The following KLHL35 variants were observed in gnomAD, a reference collection of about 807,000 sequenced individuals.
KLHL35 encodes the protein kelch like family member 35.
KLHL35 carries 50 observed loss-of-function variants against 44.0 expected under a neutral mutation model. The ratio of observed to expected loss-of-function variants is 1.14; its 90% CI spans 0.91 to 1.44. KLHL35 has a LOEUF of 1.44. Ranked by LOEUF, KLHL35 falls within the 40% of genes most tolerant of loss-of-function variation. The probability of loss-of-function intolerance (pLI) is 0.00; values close to 1 mark genes in which losing one functional copy is unlikely to be tolerated. For synonymous variants in KLHL35, 470 were observed against 410.4 expected, an observed-to-expected ratio of 1.15 and a Z score of -1.76; for missense variants, 1,049 against 887.8, an observed-to-expected ratio of 1.18 and a Z score of -2.31.
At chr11:75,423,528 C>A in intron 6 of KLHL35, 164 bp downstream of exon 6, 1 of 659,602 alleles carries the variant, frequency 1.5e-6, no homozygotes, top group Non-Finnish European at 2.6e-6. Context: ...TCTCTAAGGC[C>A]AGTCTCCTCA....
chr11:75,425,627 G>A, intron 4 of KLHL35, 46 bp from the exon 5 acceptor site: 1 of 1,402,260 alleles, frequency 7.1e-7, no homozygotes, highest in Non-Finnish European at 9.3e-7. Context: ...CAGGGCCTTA[G>A]GGCCCTCGGC....
In KLHL35 at chr11:75,430,200, G is replaced by C. The variant is rs1291773911; in HGVS notation, c.430C>G (p.Arg144Gly). 2.4e-6 allele frequency: 3 copies of C among 1,239,802 alleles called. No homozygotes were observed. Among genetic ancestry groups the C allele is most frequent in the South Asian group, 4.8e-5 (2 of 41,404 alleles). The allele number at this position is 1,239,802 out of a possible 1,614,324, so 76.8% of individuals were successfully genotyped here. The stretch of plus-strand genomic sequence containing the variant: ...GCGCGCAGGCGGCCCTCGAGAAAGC[G>C]CACGCAGGCCTCGCGCAGGCCCGCC... ...GVAGLREACV[R>G]FLEGRLRAAN... The change falls in exon 2 of 7, where the codon CGC (arginine) becomes GGC (glycine). Residue 144 changes from arginine to glycine, a missense_variant. Physicochemically the swap from Arg to Gly is moderately radical, Grantham distance 125. Transcript: ENST00000539798.
rs532462847 is a variant in KLHL35 at position 75,429,889 on chromosome 11, C to A, written c.741G>T (p.Leu247=). Residue 247 remains leucine (L), a synonymous_variant, in exon 2 of 7, where the codon CTG becomes CTT. Transcript: ENST00000539798. ...CCTTCTCCAGGAAGTAAGCGGGCGCCAGTAGCGGCAGGCGCACGTGCTCCA... is the reference window on the plus strand; with the variant it reads ...CCTTCTCCAGGAAGTAAGCGGGCGCAAGTAGCGGCAGGCGCACGTGCTCCA... ...RLLEHVRLPL[L]APAYFLEKVE... The A allele has an allele frequency of 6.6e-7, 1 of 1,518,482 alleles. No individual in the cohort carries two copies. The highest frequency in any genetic ancestry group is 8.7e-7 in the Non-Finnish European group (1 of 1,143,436). 94.1% of individuals were successfully genotyped at this position (1,518,482 alleles called of 1,614,324 possible).
chr11:75,422,615 C>A lies in KLHL35; in HGVS notation c.1717G>T (p.Gly573Cys). 6.2e-7 allele frequency: 1 copy of A among 1,613,790 alleles called. No individual in the cohort carries two copies. Among genetic ancestry groups the A allele is most frequent in the Non-Finnish European group, 8.5e-7 (1 of 1,179,768 alleles). The change falls in exon 7 of 7, where the codon GGC (glycine) becomes TGC (cysteine). Residue 573 changes from glycine (G) to cysteine (C), a missense_variant. Coordinates refer to ENST00000539798, the MANE Select transcript of KLHL35 (RefSeq NM_001039548.3). ...PSLQRCTSSH[G>C]CVTIIQSLGR is the part of the protein sequence containing the mutation. ...AAGCTCTGGATGATGGTGACACAGC[C>A]GTGGGAGCTGGTGCAGCGCTGCAGG...
Position 75,422,475 on chromosome 11 carries a change from C to T in KLHL35, c.*105G>A, listed in dbSNP as rs1948456068. ...ATTTTATTTATACAAGAAAAGGGAC[C>T]ATTAAGTTAAGGGCTGTTTGCGTGG... On this transcript the variant is annotated 3_prime_UTR_variant, in exon 7 of 7. Coordinates refer to ENST00000539798, the MANE Select transcript of KLHL35 (RefSeq NM_001039548.3). The T allele has an allele frequency of 1.0e-6, 1 of 994,402 alleles. No individual in the cohort carries two copies. Among genetic ancestry groups the T allele is most frequent in the Non-Finnish European group, 1.5e-6 (1 of 675,514 alleles). The allele number at this position is 994,402 out of a possible 1,614,324, so 61.6% of individuals were successfully genotyped here. A position where few individuals can be genotyped will look rare whatever the true frequency, so the allele number is the denominator to read the frequency against.
At chr11:75,423,969 G>C (rs1948471367) in intron 5 of KLHL35, 89 bp from the exon 6 acceptor site, 2 of 1,072,038 alleles carry the variant, frequency 1.9e-6, no homozygotes, top group Admixed American at 5.0e-5. Flanking sequence ...TCCCCCCGGG[G>C]GCACTCATTC....
rs913675243 is a variant in KLHL35 at position 75,428,462 on chromosome 11, C to G, written c.1046G>C (p.Arg349Pro). 21 of 1,612,344 alleles carry G rather than the reference C, an allele frequency of 1.3e-5. No individual in the cohort carries two copies. The South Asian group carries it at 1.5e-4, about 12-fold the overall frequency. ...TRSEFAACALRNDVYVSGGHI... is the reference protein window; with the variant it reads ...TRSEFAACALPNDVYVSGGHI... ...CTCACCGGAGACGTAGACGTCATTG[C>G]GGAGAGCACAGGCGGCGAATTCTGA... is the stretch of plus-strand genomic sequence containing the variant. The change falls in exon 3 of 7, where the codon CGC becomes CCC. Residue 349 changes from arginine to proline, a missense_variant. Physicochemically the swap from Arg to Pro is moderately radical, Grantham distance 103 (BLOSUM62 -2). Coordinates refer to ENST00000539798, the MANE Select transcript of KLHL35 (RefSeq NM_001039548.3).
rs1948519189 is a variant in KLHL35 at position 75,429,871 on chromosome 11, C to T, written c.759G>A (p.Leu253=). 4 of 1,521,740 alleles carry T rather than the reference C, an allele frequency of 2.6e-6. No homozygotes were observed. The Admixed American group carries it at 6.0e-5, about 23-fold the overall frequency. The allele number at this position is 1,521,740 out of a possible 1,614,324, so 94.3% of individuals were successfully genotyped here. Residue 253 remains leucine (L), a synonymous_variant, in exon 2 of 7, where the codon CTG becomes CTA. Coordinates refer to ENST00000539798, the MANE Select transcript of KLHL35 (RefSeq NM_001039548.3). ...RLPLLAPAYF[L]EKVEADELLQ... is the part of the protein sequence containing the mutation. ...GCAGCTCGTCCGCCTCCACCTTCTCCAGGAAGTAAGCGGGCGCCAGTAGCG... is the reference window on the plus strand; with the variant it reads ...GCAGCTCGTCCGCCTCCACCTTCTCTAGGAAGTAAGCGGGCGCCAGTAGCG...
intron 5 of KLHL35, chr11:75,424,196 C>G (rs892569470): frequency 1.2e-5 from 4 of 326,542 alleles, no homozygotes; most frequent in Non-Finnish European, 2.3e-5. Context: ...CCCCTCACCC[C>G]TCAACACACA....
chr11:75,425,672 A>C, intron 4 of KLHL35, 91 bp from the exon 5 acceptor site: 1 of 1,174,188 alleles, frequency 8.5e-7, no homozygotes, highest in Non-Finnish European at 1.1e-6. Flanking sequence ...TTTGAGCTGG[A>C]AACTATCCCT....
chr11:75,430,565 C>T lies in KLHL35; in HGVS notation c.65G>A (p.Cys22Tyr), dbSNP rs1260093945. ...PGCEAPCAGP[C>Y]HAQRVLQALN... ...GGCCTGCAGCACGCGCTGCGCGTGG[C>T]ACGGACCCGCGCACGGCGCTTCGCA... The change falls in exon 2 of 7, where the codon TGC becomes TAC. Residue 22 changes from cysteine (C) to tyrosine (Y), a missense_variant. Physicochemically the swap from Cys to Tyr is radical, Grantham distance 194 (BLOSUM62 -2). Coordinates refer to ENST00000539798, the MANE Select transcript of KLHL35 (RefSeq NM_001039548.3). 6.9e-7 allele frequency: 1 copy of T among 1,453,408 alleles called. No individual in the cohort carries two copies. Among genetic ancestry groups the T allele is most frequent in the Non-Finnish European group, 9.0e-7 (1 of 1,108,222 alleles). The allele number at this position is 1,453,408 out of a possible 1,614,324, so 90.0% of individuals were successfully genotyped here. A position where few individuals can be genotyped will look rare whatever the true frequency, so the allele number is the denominator to read the frequency against.
chr11:75,431,427 G>C (rs1204479573), intron 1 of KLHL35, among the ~76,000 whole-genome samples: 1 of 152,204 alleles, frequency 6.6e-6, no homozygotes, highest in African/African-American at 2.4e-5. Context: ...GGGAGGCACC[G>C]GGTGTTAGGG....
intron 4 of KLHL35, 27 bp downstream of exon 4, chr11:75,426,493 A>AG: frequency 6.7e-7 from 1 of 1,486,014 alleles, no homozygotes; most frequent in Non-Finnish European, 9.2e-7. Context: ...CTTGTGTCCC[A>AG]GGGCAGCCGC....
rs536291925 is a variant in KLHL35, at chr11:75,430,096, C to G, written c.534G>C (p.Leu178=). 1.5e-4 allele frequency: 198 copies of G among 1,334,432 alleles called. 4 individuals carry two copies. The South Asian group carries it at 3.3e-3, about 22-fold the overall frequency. The allele number at this position is 1,334,432 out of a possible 1,614,324, so 82.7% of individuals were successfully genotyped here. ...APLAERCGRV[L]RQAFAEVARH... Reference sequence around the variant, plus strand: ...GCGCCACCTCGGCGAAGGCCTGACGCAGGACGCGGCCGCAGCGCTCGGCCA... The same window carrying G: ...GCGCCACCTCGGCGAAGGCCTGACGGAGGACGCGGCCGCAGCGCTCGGCCA... The change falls in exon 2 of 7, where the codon CTG becomes CTC. Residue 178 remains leucine (L), a synonymous_variant. Coordinates refer to ENST00000539798, the MANE Select transcript of KLHL35 (RefSeq NM_001039548.3).
At position 75,430,265 on chromosome 11, in the gene KLHL35, T is replaced by C; in HGVS notation, c.365A>G (p.Glu122Gly). The part of the protein sequence containing the change: ...GAGVRLRAED[E>G]AAAVLALAER... ...CGCCAGCGCCAGCACGGCCGCCGCC[T>C]CGTCCTCCGCGCGCAGCCGCACGCC... The change falls in exon 2 of 7, where the codon GAG (glutamate) becomes GGG (glycine). Residue 122 changes from glutamate to glycine, a missense_variant. By Grantham distance (98) the Glu-to-Gly change is moderately conservative. Coordinates refer to ENST00000539798, the MANE Select transcript of KLHL35 (RefSeq NM_001039548.3). 1 of 1,203,566 alleles carries C rather than the reference T, an allele frequency of 8.3e-7. No homozygotes were observed. The highest frequency in any genetic ancestry group is 1.0e-6 in the Non-Finnish European group (1 of 972,206). The allele number at this position is 1,203,566 out of a possible 1,614,324, so 74.6% of individuals were successfully genotyped here. A position where few individuals can be genotyped will look rare whatever the true frequency, so the allele number is the denominator to read the frequency against.
In KLHL35 at chr11:75,430,442, C is replaced by A; in HGVS notation, c.188G>T (p.Ser63Ile). Residue 63 changes from serine to isoleucine, a missense_variant, in exon 2 of 7, where the codon AGC becomes ATC. Ser to Ile is a moderately radical substitution (Grantham distance 142). Coordinates refer to ENST00000539798, the MANE Select transcript of KLHL35 (RefSeq NM_001039548.3). Reference sequence around the variant, plus strand: ...CGCGAACAAGCTGCGGAAGTAGGCGCTGCCCGCGCTGAGCGCCGCGCGGTG... The same window carrying A: ...CGCGAACAAGCTGCGGAAGTAGGCGATGCCCGCGCTGAGCGCCGCGCGGTG... ...PCHRAALSAG[S>I]AYFRSLFAAG... 1 of 1,391,088 alleles carries A rather than the reference C, an allele frequency of 7.2e-7. No individual in the cohort carries two copies. The allele number at this position is 1,391,088 out of a possible 1,614,324, so 86.2% of individuals were successfully genotyped here.
intron 2 of KLHL35, 104 bp from the exon 3 acceptor site, chr11:75,428,730 C>A (rs987239207): frequency 9.7e-6 from 10 of 1,028,534 alleles, no homozygotes; most frequent in Non-Finnish European, 1.4e-5. Flanking sequence ...TCATGCGTTT[C>A]TGCCATCACC....
intron 6 of KLHL35, 36 bp downstream of exon 6, chr11:75,423,656 C>T (rs377130311): frequency 1.6e-5 from 25 of 1,576,110 alleles, no homozygotes; most frequent in African/African-American, 2.7e-5. Flanking sequence ...GCCTTAGAAG[C>T]GGGTTCCGCT....
At position 75,422,754 on chromosome 11, in the gene KLHL35, G is replaced by T. The variant is rs1948460861; in HGVS notation, c.1578C>A (p.Val526=). 6.2e-7 allele frequency: 1 copy of T among 1,613,326 alleles called. No homozygotes were observed. The highest frequency in any genetic ancestry group is 1.1e-5 in the South Asian group (1 of 91,072). The stretch of plus-strand genomic sequence containing the variant: ...TGTGGACCTTCCCGTCACACACAGT[G>T]ACTCCACAGCTTTCCTGGGTGGACA... ...VLPSPVESCG[V]TVCDGKVHIL... The change falls in exon 7 of 7, where the codon GTC becomes GTA. Residue 526 remains valine, a synonymous_variant. Transcript: ENST00000539798.
Sources: gnomAD v4.1 joint callset for allele counts (sites outside exome capture counted in the v4.1 genomes callset) on GRCh38, gnomAD v4.1.1 for gene constraint, MANE v1.5 for transcripts, NCBI Gene and HGNC (gene_info 2026-07-23, HGNC 2026-07-21) for gene names.